PDXDC1: variants seen among roughly 807,000 people sequenced by gnomAD.
PDXDC1 encodes the protein pyridoxal dependent decarboxylase domain containing 1.
In PDXDC1, 42 loss-of-function variants were observed where a neutral mutation model predicts 100.1. That is an observed-to-expected ratio of 0.42 (90% CI 0.33 to 0.54). PDXDC1 has a LOEUF of 0.54. PDXDC1 is among the 20% of genes least tolerant of loss of function. The probability of loss-of-function intolerance (pLI) is 0.10; values close to 1 mark genes in which losing one functional copy is unlikely to be tolerated. For synonymous variants in PDXDC1, 260 were observed against 371.7 expected, an observed-to-expected ratio of 0.70 and a Z score of 3.46; for missense variants, 636 against 979.2, an observed-to-expected ratio of 0.65 and a Z score of 4.68.
At chr16:15,002,443 T>C (rs1208835087) in intron 4 of PDXDC1, among the ~76,000 whole-genome samples, 5 of 152,306 alleles carry the variant, frequency 3.3e-5, no homozygotes, top group Non-Finnish European at 4.4e-5. Context: ...ATGCATATGC[T>C]GTGCATCTTG....
At position 15,125,979 on chromosome 16, in the gene PDXDC1, G is replaced by A. The variant is rs148280118; in HGVS notation, c.1400-12900G>A. On this transcript the variant is annotated intron_variant, in intron 16 of 16. Transcript: ENST00000535621. ...GTCCGTGATGGCAGCCCCTCGCGAC[G>A]TGTGCCACTGAACACTTGACAGCAG... The A allele has an allele frequency of 3.7e-3, 2,194 of 599,722 alleles. 37 individuals are homozygous for A. Among genetic ancestry groups the A allele is most frequent in the African/African-American group, 0.033 (1,765 of 53,322 alleles). The allele number at this position is 599,722 out of a possible 1,614,324, so 37.2% of individuals were successfully genotyped here. A position where few individuals can be genotyped will look rare whatever the true frequency, so the allele number is the denominator to read the frequency against.
rs75994365 is a variant in PDXDC1 at position 15,076,215 on chromosome 16, C to T, written c.1399+46159C>T. On this transcript the variant is annotated intron_variant, in intron 16 of 16. Coordinates refer to the PDXDC1 transcript ENST00000535621. ...CAGATACCACCCAAAAGAAGTAATG[C>T]TATAAAGTGTACAAGTGGTAAAATG... Among the ~76,000 whole-genome samples the T allele has an allele frequency of 8.1e-3, 1,230 of 152,192 alleles. 46 individuals are homozygous for T. Among genetic ancestry groups the T allele is most frequent in the East Asian group, 0.063 (328 of 5,190 alleles).
At chr16:15,077,967 C>A (rs1156989643) in intron 16 of PDXDC1, among the ~76,000 whole-genome samples, 1 of 152,192 alleles carries the variant, frequency 6.6e-6, no homozygotes, top group African/African-American at 2.4e-5. Flanking sequence ...ATAAACATAT[C>A]GTCAATCAAC....
At chr16:15,011,446 T>TA (rs2041254676) in intron 8 of PDXDC1, among the ~76,000 whole-genome samples, 1 of 152,272 alleles carries the variant, frequency 6.6e-6, no homozygotes, top group African/African-American at 2.4e-5. Context: ...TCTAAGACAA[T>TA]AAAATGTCTC....
At chr16:14,990,136 C>T in intron 1 of PDXDC1, 1 of 1,442,360 alleles carries the variant, frequency 6.9e-7, no homozygotes. Flanking sequence ...CCCGGCAGCC[C>T]CTTGAGCCCC....
intron 16 of PDXDC1, among the ~76,000 whole-genome samples, chr16:15,128,682 T>C (rs2047891715): frequency 6.6e-6 from 1 of 151,984 alleles, no homozygotes; most frequent in Non-Finnish European, 1.5e-5. Context: ...ACTGCACACC[T>C]GTCCACGCCT....
At chr16:15,080,024 T>C in intron 16 of PDXDC1, 5 of 1,599,378 alleles carry the variant, frequency 3.1e-6, no homozygotes, top group Non-Finnish European at 4.3e-6. Context: ...TTTTCAATAA[T>C]AAGCTCCAGA....
intron 16 of PDXDC1, among the ~76,000 whole-genome samples, chr16:15,085,142 AAAT>A (rs1320834274): frequency 6.6e-6 from 1 of 152,236 alleles, no homozygotes; most frequent in Admixed American, 6.5e-5. Context: ...TTTATCAGAG[AAAT>A]AATAATTTCA....
At chr16:15,001,112 T>C (rs1197522418) in intron 3 of PDXDC1, among the ~76,000 whole-genome samples, 3 of 152,378 alleles carry the variant, frequency 2.0e-5, no homozygotes, top group East Asian at 3.9e-4. Flanking sequence ...CCCAGCACTA[T>C]TGGAGGCTGA....
Position 15,033,380 on chromosome 16 carries a change from A to C in PDXDC1, c.1793A>C (p.Glu598Ala), listed in dbSNP as rs1206226527. 2 of 1,614,112 alleles carry C rather than the reference A, an allele frequency of 1.2e-6. No homozygotes were observed. Among genetic ancestry groups the C allele is most frequent in the South Asian group, 1.1e-5 (1 of 91,084 alleles). The change falls in exon 19 of 23, where the codon GAG becomes GCG. Residue 598 changes from glutamate (E) to alanine (A), a missense_variant. By Grantham distance (107) the Glu-to-Ala change is moderately radical. This residue lies in a region of PDXDC1 where 452 missense variants were observed against 402.9 expected (regional missense o/e 1.12). Transcript: ENST00000396410. Reference protein sequence around the residue: ...LVETIAATAREIEENSRLLEN... With the variant: ...LVETIAATARAIEENSRLLEN... ...GAGACCATTGCGGCCACAGCCCGGG[A>C]GATAGAGGAGAACTCGAGGGTCCGT...
chr16:15,141,869 C>T (rs1052966381), downstream of PDXDC1, among the ~76,000 whole-genome samples: 1 of 152,192 alleles, frequency 6.6e-6, no homozygotes, highest in Admixed American at 6.5e-5. Context: ...GAACACTGTG[C>T]TGTAAGGAAC....
intron 16 of PDXDC1, chr16:15,126,954 G>A (rs1331623039): frequency 1.4e-5 from 4 of 276,782 alleles, no homozygotes; most frequent in African/African-American, 2.2e-5. Context: ...CACCGTGCCT[G>A]GTCCTTTTTA....
At position 14,975,113 on chromosome 16, in the gene PDXDC1, C is replaced by A. The variant is rs1176124030; in HGVS notation, c.-87C>A. On this transcript the variant is annotated 5_prime_UTR_variant, in exon 1 of 23. Coordinates refer to ENST00000396410, the MANE Select transcript of PDXDC1 (RefSeq NM_015027.4). ...CGCCGGCCGCGGGCGCGGGGGACGT[C>A]AGCGCTGCCAGCGTGGAAGGAGCTG... is the stretch of plus-strand genomic sequence containing the variant. The A allele has an allele frequency of 1.4e-6, 2 of 1,469,500 alleles. No individual in the cohort carries two copies. The highest frequency in any genetic ancestry group is 5.1e-5 in the East Asian group (2 of 38,854). The allele number at this position is 1,469,500 out of a possible 1,614,324, so 91.0% of individuals were successfully genotyped here. A position where few individuals can be genotyped will look rare whatever the true frequency, so the allele number is the denominator to read the frequency against.
intron 1 of PDXDC1, chr16:14,990,093 A>G: frequency 6.7e-7 from 1 of 1,488,950 alleles, no homozygotes; most frequent in South Asian, 1.2e-5. Flanking sequence ...AAGCAGGCAG[A>G]GGAGGCGGCG....
At chr16:15,014,107 C>G (rs183914423) in intron 8 of PDXDC1, among the ~76,000 whole-genome samples, 3 of 151,572 alleles carry the variant, frequency 2.0e-5, no homozygotes, top group East Asian at 3.9e-4. Context: ...CTTAGGAGGC[C>G]GAGGCAGGAG....
downstream of PDXDC1, chr16:15,038,662 G>C (rs774584400): frequency 2.5e-6 from 4 of 1,593,628 alleles, no homozygotes; most frequent in Middle Eastern, 3.3e-4. Flanking sequence ...AAGTTGTTCT[G>C]TCTCTGCATC....
At chr16:15,042,015 T>C (rs2043838058), downstream of PDXDC1, among the ~76,000 whole-genome samples, 8 of 152,114 alleles carry the variant, frequency 5.3e-5, no homozygotes. Context: ...TTCCTGATTA[T>C]CAGAATTACA....
chr16:14,985,297 T>C (rs1241693148), intron 1 of PDXDC1, among the ~76,000 whole-genome samples: 4 of 151,046 alleles, frequency 2.6e-5, no homozygotes, highest in Non-Finnish European at 4.4e-5. Flanking sequence ...TTTTTTTTTT[T>C]TTTTTTTTGA....
At chr16:14,982,792 G>A (rs1218950966) in intron 1 of PDXDC1, among the ~76,000 whole-genome samples, 1 of 152,274 alleles carries the variant, frequency 6.6e-6, no homozygotes, top group African/African-American at 2.4e-5. Flanking sequence ...CGTGTGTGGT[G>A]TTTGGGGAAC....
Sources: gnomAD v4.1 joint callset for allele counts (sites outside exome capture counted in the v4.1 genomes callset) on GRCh38, gnomAD v4.1.1 for gene constraint, gnomAD v4.1.1 regional missense constraint, MANE v1.5 for transcripts, NCBI Gene and HGNC (gene_info 2026-07-23, HGNC 2026-07-21) for gene names.